The following GANC variants were observed in gnomAD, a reference collection of about 807,000 sequenced individuals.
GANC encodes neutral alpha-glucosidase C.
A neutral mutation model predicts 124.2 loss-of-function variants in GANC; 117 were observed. The ratio of observed to expected loss-of-function variants is 0.94; its 90% CI spans 0.81 to 1.10. GANC has a LOEUF of 1.10. Ranked by LOEUF, GANC falls within the 50% of genes least tolerant of loss-of-function variation. The pLI, the probability that GANC is intolerant of heterozygous loss-of-function variation, is 0.00. For synonymous variants in GANC, 377 were observed against 376.8 expected, an observed-to-expected ratio of 1.00 and a Z score of -0.01; for missense variants, 1,140 against 1,095.0, an observed-to-expected ratio of 1.04 and a Z score of -0.58.
intron 4 of GANC, among the ~76,000 whole-genome samples, chr15:42,292,147 G>T (rs1408032017): frequency 6.6e-6 from 1 of 152,136 alleles, no homozygotes; most frequent in Non-Finnish European, 1.5e-5. Context: ...TGTGAAATTG[G>T]AGGCTGGTGG....
intron 22 of GANC, 49 bp from the exon 23 acceptor site, chr15:42,351,280 C>T (rs1359720136): frequency 2.1e-6 from 3 of 1,424,790 alleles, no homozygotes; most frequent in Middle Eastern, 1.8e-4. Flanking sequence ...CTGGTGGCCA[C>T]TTCAAACCCC....
chr15:42,350,021 A>G (rs866490469), intron 22 of GANC, among the ~76,000 whole-genome samples: 2 of 82,174 alleles, frequency 2.4e-5, no homozygotes, highest in East Asian at 6.5e-4. Context: ...TCTTTCCCCC[A>G]CTTTTTTTTT....
rs151095380 is a variant in GANC at position 42,331,396 on chromosome 15, TGTTGC to T, written c.1741+727_1741+731del. 3.0e-3 allele frequency among the ~76,000 whole-genome samples: 451 copies of T among 152,362 alleles called. 2 individuals carry two copies. The highest frequency in any genetic ancestry group is 5.3e-3 in the Non-Finnish European group (361 of 68,036). ...AAATGTGGCTTAAAATAGACCTGGCTGTTGCGTGTGGTCAGGGTCATCTATAACTG... is the reference window on the plus strand; with the variant it reads ...AAATGTGGCTTAAAATAGACCTGGCTGTGTGGTCAGGGTCATCTATAACTG... On this transcript the variant is annotated intron_variant, in intron 15 of 23. Transcript: ENST00000318010.
chr15:42,281,752 A>G (rs1027276415), intron 3 of GANC, among the ~76,000 whole-genome samples: 1 of 152,220 alleles, frequency 6.6e-6, no homozygotes, highest in Non-Finnish European at 1.5e-5. Flanking sequence ...ACTTATGAAC[A>G]TAAATTAAAA....
At position 42,326,736 on chromosome 15, in the gene GANC, AAG is replaced by A. The variant is rs561495271; in HGVS notation, c.1420+314_1420+315del. On this transcript the variant is annotated intron_variant, in intron 12 of 23. Transcript: ENST00000318010. ...GGAATAAGAAAAGCAGAGGAGGAGA[AAG>A]AAAAAAAGTGGGTCCTGCAAGCTCT... is the stretch of plus-strand genomic sequence containing the variant. Among the ~76,000 whole-genome samples, 18 of 152,290 alleles carry A rather than the reference AAG, an allele frequency of 1.2e-4. No homozygotes were observed. In the South Asian group the frequency reaches 3.7e-3, roughly 32 times the overall value.
chr15:42,349,273 C>T, intron 21 of GANC, 110 bp from the exon 22 acceptor site: 1 of 709,494 alleles, frequency 1.4e-6, no homozygotes, highest in Non-Finnish European at 2.5e-6. Flanking sequence ...CTTTATATAG[C>T]TTGAATTTTT....
intron 8 of GANC, among the ~76,000 whole-genome samples, chr15:42,309,329 T>TC (rs1316765388): frequency 6.6e-6 from 1 of 151,858 alleles, no homozygotes; most frequent in East Asian, 1.9e-4. Flanking sequence ...ACAATTTTTT[T>TC]TTTTTTTTGA....
At position 42,338,474 on chromosome 15, in the gene GANC, G is replaced by C; in HGVS notation, c.1827G>C (p.Gly609=). The change falls in exon 16 of 24, where the codon GGG becomes GGC. Residue 609 remains glycine (G), a synonymous_variant. Coordinates refer to ENST00000318010, the MANE Select transcript of GANC (RefSeq NM_198141.3). ...TGTTACTCACTCTCAGCATTACTGG[G>C]ATCTCTTTTTGCGGAGGTAAGATGA... is the stretch of plus-strand genomic sequence containing the variant. ...IPMLLTLSIT[G]ISFCGADIGG... is the part of the protein sequence containing the mutation. 2 of 1,613,290 alleles carry C rather than the reference G, an allele frequency of 1.2e-6. No homozygotes were observed.
intron 6 of GANC, among the ~76,000 whole-genome samples, chr15:42,303,937 A>G (rs540023226): frequency 6.6e-6 from 1 of 152,242 alleles, no homozygotes; most frequent in South Asian, 2.1e-4. Context: ...TCAATATTAG[A>G]CAGATTAACG....
intron 10 of GANC, among the ~76,000 whole-genome samples, chr15:42,311,461 A>G (rs1336543512): frequency 6.6e-6 from 1 of 152,218 alleles, no homozygotes; most frequent in Non-Finnish European, 1.5e-5. Context: ...CAAGATCAAT[A>G]TATTAATCCA....
rs16973015 is a variant in GANC, at chr15:42,292,901, A to G, written c.496A>G (p.Ile166Val). ...LGQLYFEHLQ[I>V]LHKQRAAKEN... The stretch of plus-strand genomic sequence containing the variant: ...CCAATTATACTTTGAGCATCTACAG[A>G]TTCTTCACAAACAAAGGTATTCTTA... Residue 166 changes from isoleucine (I) to valine (V), a missense_variant, in exon 5 of 24, where the codon ATT (isoleucine) becomes GTT (valine). By Grantham distance (29) the Ile-to-Val change is conservative. Transcript: ENST00000318010. 7,848 of 1,613,948 alleles carry G rather than the reference A, an allele frequency of 4.9e-3. 77 individuals are homozygous for G. Among genetic ancestry groups the G allele is most frequent in the Middle Eastern group, 0.03 (179 of 6,062 alleles).
intron 10 of GANC, chr15:42,313,907 A>G (rs893981539): frequency 6.0e-5 from 36 of 601,062 alleles, no homozygotes; most frequent in Non-Finnish European, 8.8e-6. Flanking sequence ...AGCACTGTTC[A>G]TGCTGCTGCT....
At chr15:42,302,776 G>A (rs540771181) in intron 6 of GANC, among the ~76,000 whole-genome samples, 4 of 151,952 alleles carry the variant, frequency 2.6e-5, no homozygotes, top group African/African-American at 9.7e-5. Flanking sequence ...TCAACTTAAT[G>A]GAATAAAGAG....
intron 3 of GANC, among the ~76,000 whole-genome samples, chr15:42,280,099 C>T (rs2051716926): frequency 6.6e-6 from 1 of 152,098 alleles, no homozygotes; most frequent in Admixed American, 6.5e-5. Context: ...GTTCTTTATC[C>T]CCATCCCCTG....
At chr15:42,283,568 G>T (rs2051754917) in intron 3 of GANC, 1 of 689,392 alleles carries the variant, frequency 1.5e-6, no homozygotes, top group Non-Finnish European at 2.6e-6. Context: ...GCTTTCTCAT[G>T]ATATAGGTGA....
At chr15:42,280,320 G>A (rs2051719161) in intron 3 of GANC, among the ~76,000 whole-genome samples, 1 of 152,112 alleles carries the variant, frequency 6.6e-6, no homozygotes, top group Admixed American at 6.5e-5. Flanking sequence ...CTCTAATGCT[G>A]ATTCAGGTCT....
In GANC at chr15:42,351,426, T is replaced by TCA. The variant is rs778768054; in HGVS notation, c.2630_2631dup (p.Ser878HisfsTer20). 4 of 1,609,630 alleles carry TCA rather than the reference T, an allele frequency of 2.5e-6. No individual in the cohort carries two copies. The African/African-American group carries it at 5.3e-5, about 22-fold the overall frequency. On this transcript the variant is annotated frameshift_variant, in exon 23 of 24. Coordinates refer to ENST00000318010, the MANE Select transcript of GANC (RefSeq NM_198141.3). LOFTEE classifies it high-confidence loss of function. ...GGAGCCATCTTCTGTGACTACCCAC[T>TCA]CATCTGGTGAGAAAGCAGTCCATTC...
rs1367912206 is a variant in GANC at position 42,287,727 on chromosome 15, A to G, written c.238A>G (p.Asn80Asp). Reference protein sequence around the residue: ...LLAEIYGIEGNIFRLKINEET... With the variant: ...LLAEIYGIEGDIFRLKINEET... ...GGCTGAAATTTATGGTATAGAAGGA[A>G]ACATTTTCAGGCTTAAAATTAATGA... Residue 80 changes from asparagine to aspartate, a missense_variant, in exon 4 of 24, where the codon AAC becomes GAC. Transcript: ENST00000318010. The G allele has an allele frequency of 1.2e-6, 2 of 1,612,958 alleles. No homozygotes were observed. Among genetic ancestry groups the G allele is most frequent in the Non-Finnish European group, 1.7e-6 (2 of 1,179,390 alleles).
At chr15:42,294,435 T>G (rs2051871744) in intron 5 of GANC, among the ~76,000 whole-genome samples, 1 of 150,788 alleles carries the variant, frequency 6.6e-6, no homozygotes, top group Non-Finnish European at 1.5e-5. Context: ...TTTAGCCAGG[T>G]ATAGTGGCAC....
Sources: gnomAD v4.1 joint callset for allele counts (sites outside exome capture counted in the v4.1 genomes callset) on GRCh38, gnomAD v4.1.1 for gene constraint, MANE v1.5 for transcripts, NCBI Gene and HGNC (gene_info 2026-07-23, HGNC 2026-07-21) for gene names.